TMEM200A: variants seen among roughly 807,000 people sequenced by gnomAD.
TMEM200A encodes transmembrane protein 200A, also known as two transmembrane C.
A neutral mutation model predicts 24.3 loss-of-function variants in TMEM200A; 12 were observed. The observed-to-expected ratio is 0.49, with a 90% CI of 0.32 to 0.80. The LOEUF (loss-of-function observed/expected upper bound fraction) is 0.80, where lower values mean the gene tolerates loss of function less well. TMEM200A is among the 30% of genes least tolerant of loss of function. The pLI, the probability that TMEM200A is intolerant of heterozygous loss-of-function variation, is 0.04. For missense variants in TMEM200A, 545 were observed against 614.4 expected (o/e 0.89, Z 1.19); for synonymous variants, 224 against 224.4 (o/e 1.00, Z 0.02).
chr6:130,429,079 C>G (rs1034049637), intron 2 of TMEM200A, among the ~76,000 whole-genome samples: 3 of 152,132 alleles, frequency 2.0e-5, no homozygotes, highest in African/African-American at 7.2e-5. Flanking sequence ...TAAAATGCTA[C>G]AGCAGTGTAA....
At chr6:130,401,503 CTT>C (rs1779085747) in intron 2 of TMEM200A, among the ~76,000 whole-genome samples, 1 of 146,978 alleles carries the variant, frequency 6.8e-6, no homozygotes, top group African/African-American at 2.5e-5. Flanking sequence ...TCCTTTCTCT[CTT>C]TCTTTTTTCT....
rs181019946 is a variant in TMEM200A, at chr6:130,435,707, A to T, written c.-16-4700A>T. The stretch of plus-strand genomic sequence containing the variant: ...TTTGGAAGCCAGGCTTAGGATCCAA[A>T]GAGACTGATAAGCAGAAATTTTGTT... On this transcript the variant is annotated intron_variant, in intron 2 of 2. Transcript: ENST00000296978. Among the ~76,000 whole-genome samples the T allele has an allele frequency of 3.1e-4, 47 of 152,356 alleles. 1 individual carries two copies. The highest frequency in any genetic ancestry group is 1.1e-3 in the African/African-American group (47 of 41,586).
At chr6:130,389,536 A>G (rs975736986) in intron 2 of TMEM200A, among the ~76,000 whole-genome samples, 1 of 151,946 alleles carries the variant, frequency 6.6e-6, no homozygotes, top group Admixed American at 6.6e-5. Flanking sequence ...AAGCAATAAT[A>G]TAGCTTGTTA....
intron 2 of TMEM200A, among the ~76,000 whole-genome samples, chr6:130,413,307 A>G (rs1562564074): frequency 6.6e-6 from 1 of 152,198 alleles, no homozygotes; most frequent in Non-Finnish European, 1.5e-5. Flanking sequence ...TGCCTGTGAG[A>G]TATCAAAACA....
chr6:130,387,590 A>G (rs953286705), intron 2 of TMEM200A, among the ~76,000 whole-genome samples: 4 of 152,216 alleles, frequency 2.6e-5, no homozygotes, highest in African/African-American at 9.6e-5. Context: ...AGTTCTTAAA[A>G]GGGTAAACAA....
intron 2 of TMEM200A, among the ~76,000 whole-genome samples, chr6:130,423,312 C>T (rs186181646): frequency 6.6e-5 from 10 of 152,174 alleles, no homozygotes; most frequent in Admixed American, 3.3e-4. Context: ...GCCATGTGTA[C>T]ATGTGAAAAA....
intron 2 of TMEM200A, among the ~76,000 whole-genome samples, chr6:130,390,525 T>C (rs769427085): frequency 4.6e-5 from 7 of 152,274 alleles, no homozygotes; most frequent in Non-Finnish European, 8.8e-5. Flanking sequence ...GATTAAATGA[T>C]AAAGTATGTT....
chr6:130,388,580 T>C (rs987785482), intron 2 of TMEM200A, among the ~76,000 whole-genome samples: 1 of 152,242 alleles, frequency 6.6e-6, no homozygotes, highest in Non-Finnish European at 1.5e-5. Flanking sequence ...TTTTTTTATA[T>C]TTCTAATAAG....
intron 2 of TMEM200A, among the ~76,000 whole-genome samples, chr6:130,410,641 G>A (rs1258940065): frequency 1.3e-5 from 2 of 152,294 alleles, no homozygotes; most frequent in Admixed American, 1.3e-4. Flanking sequence ...TGGCAGATCC[G>A]TTGTTTCAAC....
At position 130,441,534 on chromosome 6, in the gene TMEM200A, A is replaced by G. The variant is rs750417783; in HGVS notation, c.1112A>G (p.Gln371Arg). 37 of 1,613,932 alleles carry G rather than the reference A, an allele frequency of 2.3e-5. No homozygotes were observed. Among genetic ancestry groups the G allele is most frequent in the South Asian group, 1.9e-4 (17 of 91,080 alleles). Residue 371 changes from glutamine (Q) to arginine (R), a missense_variant, in exon 3 of 3, where the codon CAG (glutamine) becomes CGG (arginine). Physicochemically the swap from Gln to Arg is conservative, Grantham distance 43. Coordinates refer to ENST00000296978, the MANE Select transcript of TMEM200A (RefSeq NM_001258277.2). ...ATGGCTCTCGGACCTGGGGCTGGACAGCTCTTGTCTCCTGGGGCTGCCAGA... is the reference window on the plus strand; with the variant it reads ...ATGGCTCTCGGACCTGGGGCTGGACGGCTCTTGTCTCCTGGGGCTGCCAGA... Reference protein sequence around the residue: ...SSMALGPGAGQLLSPGAARRQ... With the variant: ...SSMALGPGAGRLLSPGAARRQ...
At position 130,366,518 on chromosome 6, in the gene TMEM200A, A is replaced by G; in HGVS notation, c.-87A>G. The G allele has an allele frequency of 1.0e-6, 1 of 983,154 alleles. No individual in the cohort carries two copies. The highest frequency in any genetic ancestry group is 1.2e-6 in the Non-Finnish European group (1 of 829,014). 60.9% of individuals were successfully genotyped at this position (983,154 alleles called of 1,614,324 possible). A position where few individuals can be genotyped will look rare whatever the true frequency, so the allele number is the denominator to read the frequency against. On this transcript the variant is annotated 5_prime_UTR_variant, in exon 1 of 3. Transcript: ENST00000296978. The surrounding 1 kb of genome is among the most constrained non-coding windows in gnomAD (Gnocchi z 4.4). ...ACCCGACCCCCAGGGCCCGGTGCTC[A>G]GGACAGGTGAGGGGAAGGAAAGGGT... is the stretch of plus-strand genomic sequence containing the variant.
At chr6:130,418,578 C>T (rs1170753972) in intron 2 of TMEM200A, among the ~76,000 whole-genome samples, 2 of 152,030 alleles carry the variant, frequency 1.3e-5, no homozygotes, top group Admixed American at 6.6e-5. Context: ...AAATTATTAC[C>T]TCAAGGTTAT....
In TMEM200A at chr6:130,442,916, G is replaced by A. The variant is rs1058620; in HGVS notation, c.*1018G>A. The stretch of plus-strand genomic sequence containing the variant: ...TATCTCGGTAGTTCAAAAAAATTTA[G>A]TTCTTGATAAATTGCCTTGAAGTTT... On this transcript the variant is annotated 3_prime_UTR_variant, in exon 3 of 3. Transcript: ENST00000296978. 12,226 of 166,842 alleles carry A rather than the reference G, an allele frequency of 0.073. 733 individuals carry two copies. Among genetic ancestry groups the A allele is most frequent in the East Asian group, 0.28 (1,462 of 5,150 alleles). 10.3% of individuals were successfully genotyped at this position (166,842 alleles called of 1,614,324 possible). A position where few individuals can be genotyped will look rare whatever the true frequency, so the allele number is the denominator to read the frequency against.
At chr6:130,365,640 G>T, upstream of TMEM200A, 2 of 985,400 alleles carry the variant, frequency 2.0e-6, no homozygotes, top group Non-Finnish European at 2.4e-6. Flanking sequence ...GTGGTCCCGC[G>T]GTAGCTAGAG....
At chr6:130,391,860 A>C (rs1263671361) in intron 2 of TMEM200A, among the ~76,000 whole-genome samples, 1 of 148,076 alleles carries the variant, frequency 6.8e-6, no homozygotes, top group Non-Finnish European at 1.5e-5. Context: ...CTCCTGCCTC[A>C]GCCTCCCGAG....
chr6:130,433,892 A>G (rs1411361269), intron 2 of TMEM200A, among the ~76,000 whole-genome samples: 1 of 152,204 alleles, frequency 6.6e-6, no homozygotes, highest in Non-Finnish European at 1.5e-5. Context: ...ATGAATTAGA[A>G]TCTATCTGCA....
At chr6:130,392,033 A>G (rs1368607163) in intron 2 of TMEM200A, among the ~76,000 whole-genome samples, 2 of 152,068 alleles carry the variant, frequency 1.3e-5, no homozygotes, top group Non-Finnish European at 2.9e-5. Flanking sequence ...GTGAGCCACC[A>G]CACACGGCCA....
intron 2 of TMEM200A, among the ~76,000 whole-genome samples, chr6:130,426,400 TTCA>T (rs67701454): frequency 0.21 from 31,824 of 151,754 alleles, 4,426 homozygotes; most frequent in African/African-American, 0.39. Flanking sequence ...TCAGTCTCGC[TTCA>T]TCATCTTTAT....
intron 2 of TMEM200A, among the ~76,000 whole-genome samples, chr6:130,427,758 A>G (rs372756273): frequency 1.3e-5 from 2 of 151,938 alleles, no homozygotes; most frequent in African/African-American, 4.8e-5. Flanking sequence ...TTACTAGTGA[A>G]GTTAATATTT....
Sources: gnomAD v4.1 joint callset for allele counts (sites outside exome capture counted in the v4.1 genomes callset) on GRCh38, gnomAD v4.1.1 for gene constraint, Gnocchi (gnomAD v3.1) non-coding constraint, MANE v1.5 for transcripts, NCBI Gene and HGNC (gene_info 2026-07-23, HGNC 2026-07-21) for gene names.